The following SH3GL2 variants were observed in gnomAD, a reference collection of about 807,000 sequenced individuals.
The protein encoded by SH3GL2 is SH3 domain containing GRB2 like 2, endophilin A1, also known as endophilin-A1.
In SH3GL2, 24 loss-of-function variants were observed where a neutral mutation model predicts 46.0. That is an observed-to-expected ratio of 0.52 (90% confidence interval 0.38 to 0.73). The LOEUF (loss-of-function observed/expected upper bound fraction) is 0.73. Ranked by LOEUF, SH3GL2 falls within the 30% of genes least tolerant of loss-of-function variation. The pLI is 0.00. For missense variants in SH3GL2, 413 were observed against 424.2 expected (o/e 0.97, Z 0.23); for synonymous variants, 196 against 147.1 (o/e 1.33, Z -2.40).
chr9:17,778,654 G>A (rs1025894554), intron 3 of SH3GL2, among the ~76,000 whole-genome samples: 1 of 152,186 alleles, frequency 6.6e-6, no homozygotes, highest in Non-Finnish European at 1.5e-5. Context: ...GTAGATTATA[G>A]GGGGCAAGCG....
intron 1 of SH3GL2, among the ~76,000 whole-genome samples, chr9:17,726,015 G>A (rs549153140): frequency 2.6e-5 from 4 of 152,270 alleles, no homozygotes; most frequent in East Asian, 3.9e-4. Flanking sequence ...CAGTGCCACA[G>A]ATTCTTGCCA....
intron 1 of SH3GL2, among the ~76,000 whole-genome samples, chr9:17,736,895 A>G (rs1401015730): frequency 3.9e-5 from 6 of 152,150 alleles, no homozygotes; most frequent in Admixed American, 2.6e-4. Flanking sequence ...GTACACAAAA[A>G]TATGAGGATG....
chr9:17,630,250 G>C (rs1281715630), intron 1 of SH3GL2: 1 of 152,184 alleles, frequency 6.6e-6, no homozygotes, highest in African/African-American at 2.4e-5. Context: ...TGTAATGAAA[G>C]CTCTGAAATA....
At chr9:17,705,540 C>A (rs1465671197) in intron 1 of SH3GL2, among the ~76,000 whole-genome samples, 2 of 151,830 alleles carry the variant, frequency 1.3e-5, no homozygotes, top group Non-Finnish European at 2.9e-5. Context: ...ATATTCAGGC[C>A]ACTTAAATTG....
At chr9:17,595,025 T>C (rs1478734075) in intron 1 of SH3GL2, among the ~76,000 whole-genome samples, 1 of 152,220 alleles carries the variant, frequency 6.6e-6, no homozygotes, top group Admixed American at 6.5e-5. Flanking sequence ...ATTGTACAAA[T>C]GGCTAGCCTA....
intron 1 of SH3GL2, among the ~76,000 whole-genome samples, chr9:17,646,662 G>A (rs1378747314): frequency 6.6e-6 from 1 of 151,824 alleles, no homozygotes; most frequent in Non-Finnish European, 1.5e-5. Flanking sequence ...TTTGCTGGGG[G>A]GCCACTCCAG....
At chr9:17,724,258 A>G (rs10810835) in intron 1 of SH3GL2, among the ~76,000 whole-genome samples, 31,253 of 152,030 alleles carry the variant, frequency 0.21, 4,046 homozygotes, top group East Asian at 0.39. Context: ...CATGCAAATG[A>G]AGTGCTTAGC....
At chr9:17,636,247 C>T (rs12553667) in intron 1 of SH3GL2, among the ~76,000 whole-genome samples, 15,927 of 152,076 alleles carry the variant, frequency 0.1, 945 homozygotes, top group Admixed American at 0.16. Context: ...CATTTCTAGG[C>T]CCTAGCACAG....
intron 1 of SH3GL2, among the ~76,000 whole-genome samples, chr9:17,616,828 T>G (rs1385662738): frequency 6.6e-6 from 1 of 152,204 alleles, no homozygotes; most frequent in Non-Finnish European, 1.5e-5. Flanking sequence ...AAAAATTAGT[T>G]TATGCACTTA....
At chr9:17,723,265 C>A (rs1821940423) in intron 1 of SH3GL2, among the ~76,000 whole-genome samples, 1 of 152,006 alleles carries the variant, frequency 6.6e-6, no homozygotes, top group African/African-American at 2.4e-5. Context: ...TCTATGTTCA[C>A]TATTTTTACC....
chr9:17,622,986 G>GTTCCTTTCCGTTCC (rs1554631076), intron 1 of SH3GL2, among the ~76,000 whole-genome samples: 2 of 99,412 alleles, frequency 2.0e-5, no homozygotes, highest in Admixed American at 2.1e-4. Flanking sequence ...GTTTCCTTTC[G>GTTCCTTTCCGTTCC]TTTCCTTTCC....
At chr9:17,662,160 G>A (rs1244491301) in intron 1 of SH3GL2, among the ~76,000 whole-genome samples, 1 of 152,134 alleles carries the variant, frequency 6.6e-6, no homozygotes, top group Non-Finnish European at 1.5e-5. Flanking sequence ...GATCCTGTTG[G>A]TTGATGTCTT....
At chr9:17,623,047 CT>C (rs1171448028) in intron 1 of SH3GL2, among the ~76,000 whole-genome samples, 28 of 41,924 alleles carry the variant, frequency 6.7e-4, no homozygotes, top group Non-Finnish European at 3.4e-4. Context: ...TTTCCTTCCC[CT>C]TCCCCTTCCC....
At chr9:17,621,858 G>A (rs1425580185) in intron 1 of SH3GL2, among the ~76,000 whole-genome samples, 2 of 152,188 alleles carry the variant, frequency 1.3e-5, no homozygotes, top group African/African-American at 4.8e-5. Flanking sequence ...TGCACTTGCA[G>A]TATGCCATAA....
At position 17,688,787 on chromosome 9, in the gene SH3GL2, G is replaced by A. The variant is rs555974661; in HGVS notation, c.46-58279G>A. Among the ~76,000 whole-genome samples the A allele has an allele frequency of 1.6e-3, 247 of 152,160 alleles. 2 individuals are homozygous for A. The highest frequency in any genetic ancestry group is 3.0e-3 in the Non-Finnish European group (204 of 67,994). On this transcript the variant is annotated intron_variant, in intron 1 of 8. Transcript: ENST00000380607. ...ACATAGTATTGGATCATAACCTGAC[G>A]TATCAAATAAATATCTATGAGTTCA...
At chr9:17,748,333 G>T (rs982426320) in intron 2 of SH3GL2, among the ~76,000 whole-genome samples, 1 of 152,090 alleles carries the variant, frequency 6.6e-6, no homozygotes, top group African/African-American at 2.4e-5. Context: ...GCAAACTATG[G>T]TACCTAGAAA....
At chr9:17,613,652 T>G (rs1185173533) in intron 1 of SH3GL2, among the ~76,000 whole-genome samples, 1 of 152,202 alleles carries the variant, frequency 6.6e-6, no homozygotes, top group East Asian at 1.9e-4. Flanking sequence ...CCTTACTGTT[T>G]GGAGAAAATC....
intron 1 of SH3GL2, among the ~76,000 whole-genome samples, chr9:17,597,635 G>C (rs901715376): frequency 2.6e-5 from 4 of 152,174 alleles, no homozygotes; most frequent in Non-Finnish European, 4.4e-5. Flanking sequence ...TCTCTTAAGA[G>C]TAAGGGTTTT....
Position 17,647,223 on chromosome 9 carries a change from T to C in SH3GL2, c.45+67936T>C, listed in dbSNP as rs1819840424. ...TATTTTAGGAAATGATAGTATATTCTCTCATCACTAATATATTTCTGTTGC... is the reference window on the plus strand; with the variant it reads ...TATTTTAGGAAATGATAGTATATTCCCTCATCACTAATATATTTCTGTTGC... On this transcript the variant is annotated intron_variant, in intron 1 of 8. Transcript: ENST00000380607. 3.3e-5 allele frequency among the ~76,000 whole-genome samples: 5 copies of C among 152,368 alleles called. No homozygotes were observed. The South Asian group carries it at 1.0e-3, about 32-fold the overall frequency.
Sources: allele counts gnomAD v4.1 joint callset (sites outside exome capture counted in the v4.1 genomes callset), GRCh38; gene constraint gnomAD v4.1.1; transcripts MANE v1.5; gene names NCBI Gene and HGNC (gene_info 2026-07-23, HGNC 2026-07-21).